The following RBM26 variants were observed in gnomAD, a reference collection of about 807,000 sequenced individuals.
The protein encoded by RBM26 is RNA-binding protein 26.
Under a neutral mutation model 123.6 loss-of-function variants are expected in RBM26, and 30 were observed. The ratio of observed to expected loss-of-function variants is 0.24; its 90% CI spans 0.18 to 0.33. The LOEUF is 0.33. Ranked by LOEUF, RBM26 falls within the 10% of genes least tolerant of loss-of-function variation. The probability of loss-of-function intolerance (pLI) is 1.00; values close to 1 mark genes in which losing one functional copy is unlikely to be tolerated. For missense variants in RBM26, 947 were observed against 1,203.6 expected, an observed-to-expected ratio of 0.79 and a Z score of 3.15; for synonymous variants, 400 against 404.4, an observed-to-expected ratio of 0.99 and a Z score of 0.13.
intron 3 of RBM26, among the ~76,000 whole-genome samples, chr13:79,375,179 AT>A (rs201481150): frequency 1.1e-4 from 14 of 133,178 alleles, no homozygotes; most frequent in African/African-American, 2.4e-4. Flanking sequence ...ATATATATAT[AT>A]TTTTTTTTTG....
Position 79,319,293 on chromosome 13 carries a change from T to G in RBM26, c.*1328A>C. 1 of 983,230 alleles carries G rather than the reference T, an allele frequency of 1.0e-6. No homozygotes were observed. The highest frequency in any genetic ancestry group is 4.7e-5 in the South Asian group (1 of 21,266). The allele number at this position is 983,230 out of a possible 1,614,324, so 60.9% of individuals were successfully genotyped here. ...ATTTTTTAATATTATCACTATAATC[T>G]CAAGAGAGGCAGAAACACTTGCAAT... is the stretch of plus-strand genomic sequence containing the variant. On this transcript the variant is annotated 3_prime_UTR_variant, in exon 22 of 22. Coordinates refer to ENST00000438737, the MANE Select transcript of RBM26 (RefSeq NM_001366735.2).
intron 9 of RBM26, 142 bp downstream of exon 9, chr13:79,365,436 C>G (rs1421578083): frequency 1.3e-5 from 9 of 687,612 alleles, no homozygotes; most frequent in South Asian, 1.0e-4. Flanking sequence ...GAGTGAGACT[C>G]TGTCTCCAAA....
At chr13:79,329,815 T>C (rs895509981) in intron 20 of RBM26, among the ~76,000 whole-genome samples, 1 of 152,206 alleles carries the variant, frequency 6.6e-6, no homozygotes, top group African/African-American at 2.4e-5. Flanking sequence ...ATTTGATATT[T>C]AGGAATATAA....
At chr13:79,334,893 T>C (rs1260166123) in intron 19 of RBM26, among the ~76,000 whole-genome samples, 1 of 152,150 alleles carries the variant, frequency 6.6e-6, no homozygotes, top group Non-Finnish European at 1.5e-5. Context: ...TGTTAATTAA[T>C]GGGAAGAGAT....
chr13:79,355,044 G>A (rs1028938065), intron 12 of RBM26, among the ~76,000 whole-genome samples, 176 bp downstream of exon 12: 5 of 152,194 alleles, frequency 3.3e-5, no homozygotes, highest in Non-Finnish European at 7.3e-5. Flanking sequence ...TCACAATTAT[G>A]AGAGAACAGG....
intron 1 of RBM26, among the ~76,000 whole-genome samples, chr13:79,393,905 TTGTG>T (rs145389188): frequency 6.6e-6 from 1 of 152,116 alleles, no homozygotes; most frequent in South Asian, 2.1e-4. Flanking sequence ...CCTATTCTTT[TTGTG>T]TGTGTGTGTT....
intron 11 of RBM26, 53 bp downstream of exon 11, chr13:79,358,221 T>G (rs999386211): frequency 3.5e-6 from 5 of 1,415,348 alleles, no homozygotes; most frequent in Non-Finnish European, 3.8e-6. Context: ...TCTTATTACA[T>G]TAAGTTCCCT....
At chr13:79,380,164 A>G (rs1412782324) in intron 1 of RBM26, among the ~76,000 whole-genome samples, 1 of 152,192 alleles carries the variant, frequency 6.6e-6, no homozygotes, top group Non-Finnish European at 1.5e-5. Flanking sequence ...TCATTGTCAT[A>G]TTGATTGTAA....
Position 79,406,036 on chromosome 13 carries a change from C to G in RBM26, c.-262G>C, listed in dbSNP as rs1038180420. ...AGCAACGGTTTGCCCGGGCCCTCCC[C>G]CTTCCCTCTTCCCCAGCAAATCTAC... On this transcript the variant is annotated 5_prime_UTR_variant, in exon 1 of 22. Coordinates refer to ENST00000438737, the MANE Select transcript of RBM26 (RefSeq NM_001366735.2). The G allele has an allele frequency of 3.5e-6, 1 of 286,642 alleles. No individual in the cohort carries two copies. The highest frequency in any genetic ancestry group is 6.4e-6 in the Non-Finnish European group (1 of 155,138). The allele number at this position is 286,642 out of a possible 1,614,324, so 17.8% of individuals were successfully genotyped here.
Position 79,319,260 on chromosome 13 carries a change from T to A in RBM26, c.*1361A>T, listed in dbSNP as rs2067424854. ...CCCAATATGGAAGAAAGTAATTTTT[T>A]AAATGTGATTTTTTAATATTATCAC... On this transcript the variant is annotated 3_prime_UTR_variant, in exon 22 of 22. Coordinates refer to ENST00000438737, the MANE Select transcript of RBM26 (RefSeq NM_001366735.2). The A allele has an allele frequency of 4.1e-6, 4 of 983,738 alleles. No homozygotes were observed. Among genetic ancestry groups the A allele is most frequent in the Non-Finnish European group, 4.8e-6 (4 of 828,742 alleles). 60.9% of individuals were successfully genotyped at this position (983,738 alleles called of 1,614,324 possible). A position where few individuals can be genotyped will look rare whatever the true frequency, so the allele number is the denominator to read the frequency against.
intron 5 of RBM26, 68 bp downstream of exon 5, chr13:79,370,877 T>C: frequency 6.7e-7 from 1 of 1,487,784 alleles, no homozygotes; most frequent in Non-Finnish European, 9.2e-7. Flanking sequence ...GACAAAATGT[T>C]AAGCAATTTT....
chr13:79,335,368 T>C (rs2070176006), intron 19 of RBM26, among the ~76,000 whole-genome samples: 1 of 152,120 alleles, frequency 6.6e-6, no homozygotes, highest in Non-Finnish European at 1.5e-5. Flanking sequence ...TAATTCATAA[T>C]GAATTATTGT....
intron 1 of RBM26, among the ~76,000 whole-genome samples, chr13:79,394,814 A>T (rs1213590977): frequency 6.6e-6 from 1 of 152,012 alleles, no homozygotes; most frequent in Admixed American, 6.5e-5. Context: ...TTGTACTTTT[A>T]GTTTGGACGG....
rs767254016 is a variant in RBM26, at chr13:79,358,345, G to A, written c.1618C>T (p.Pro540Ser). 6.2e-7 allele frequency: 1 copy of A among 1,611,762 alleles called. No homozygotes were observed. The highest frequency in any genetic ancestry group is 8.5e-7 in the Non-Finnish European group (1 of 1,178,978). Residue 540 changes from proline to serine, a missense_variant, in exon 11 of 22, where the codon CCT becomes TCT. Coordinates refer to ENST00000438737, the MANE Select transcript of RBM26 (RefSeq NM_001366735.2). The stretch of plus-strand genomic sequence containing the variant: ...TTGCTGATATTATTTAATTCTGGAG[G>A]AACTTTTCTAAGTTCAAGCTTGGTA... ...ENTKLELRKV[P>S]PELNNISKLN...
chr13:79,397,781 T>G (rs2182009), intron 1 of RBM26, among the ~76,000 whole-genome samples: 72,891 of 151,166 alleles, frequency 0.48, 18,089 homozygotes, highest in East Asian at 0.72. Flanking sequence ...CCACAGAATC[T>G]ATAAAATAGC....
chr13:79,369,465 T>C (rs892292818), intron 5 of RBM26, among the ~76,000 whole-genome samples: 2 of 152,172 alleles, frequency 1.3e-5, no homozygotes, highest in East Asian at 1.9e-4. Flanking sequence ...ACTATACATA[T>C]GGTCCTCAGG....
rs145034613 is a variant in RBM26, at chr13:79,402,393, C to A, written c.71+3311G>T. Reference sequence around the variant, plus strand: ...TACAGAAGTTATGAAACAGTAAATACAGATATGCAGACTTCTATTTCACGC... The same window carrying A: ...TACAGAAGTTATGAAACAGTAAATAAAGATATGCAGACTTCTATTTCACGC... On this transcript the variant is annotated intron_variant, in intron 1 of 21. Transcript: ENST00000438737. 6.5e-3 allele frequency among the ~76,000 whole-genome samples: 973 copies of A among 149,756 alleles called. 9 individuals are homozygous for A. Among genetic ancestry groups the A allele is most frequent in the African/African-American group, 0.022 (920 of 40,978 alleles).
Position 79,362,255 on chromosome 13 carries a change from G to A in RBM26, c.1418-2569C>T, listed in dbSNP as rs945334629. Among the ~76,000 whole-genome samples, 7 of 152,210 alleles carry A rather than the reference G, an allele frequency of 4.6e-5. No homozygotes were observed. In the South Asian group the frequency reaches 8.3e-4, roughly 18 times the overall value. ...TGCCCAATTATCCAGGGCAGGAAACGGGTGTCTAATTTCATCCACTTATTA... is the reference window on the plus strand; with the variant it reads ...TGCCCAATTATCCAGGGCAGGAAACAGGTGTCTAATTTCATCCACTTATTA... On this transcript the variant is annotated intron_variant, in intron 9 of 21. Coordinates refer to ENST00000438737, the MANE Select transcript of RBM26 (RefSeq NM_001366735.2).
In RBM26 at chr13:79,319,551, A is replaced by C; in HGVS notation, c.*1070T>G. On this transcript the variant is annotated 3_prime_UTR_variant, in exon 22 of 22. Coordinates refer to ENST00000438737, the MANE Select transcript of RBM26 (RefSeq NM_001366735.2). Reference sequence around the variant, plus strand: ...AACACTTACCAAACAGTGTTTTCCTAAAGTAGTATCTATAGTACATTTCTT... The same window carrying C: ...AACACTTACCAAACAGTGTTTTCCTCAAGTAGTATCTATAGTACATTTCTT... The C allele has an allele frequency of 1.0e-6, 1 of 983,024 alleles. No homozygotes were observed. The highest frequency in any genetic ancestry group is 1.2e-6 in the Non-Finnish European group (1 of 827,904). The allele number at this position is 983,024 out of a possible 1,614,324, so 60.9% of individuals were successfully genotyped here. A position where few individuals can be genotyped will look rare whatever the true frequency, so the allele number is the denominator to read the frequency against.
Sources: gnomAD v4.1 joint callset for allele counts (sites outside exome capture counted in the v4.1 genomes callset) on GRCh38, gnomAD v4.1.1 for gene constraint, MANE v1.5 for transcripts, NCBI Gene and HGNC (gene_info 2026-07-23, HGNC 2026-07-21) for gene names.